MYO7A: variants seen among roughly 807,000 people sequenced by gnomAD.
MYO7A encodes the protein unconventional myosin-VIIa.
In MYO7A, 210 loss-of-function variants were observed where a neutral mutation model predicts 263.8. That is an observed-to-expected ratio of 0.80 (90% CI 0.71 to 0.89). The LOEUF is 0.89. Among genes scored for constraint, MYO7A ranks in the 40% least tolerant of loss-of-function variants. The pLI is 0.00. For synonymous variants in MYO7A, 1,239 were observed against 1,197.3 expected, an observed-to-expected ratio of 1.03 and a Z score of -0.72; for missense variants, 2,820 against 2,968.3, an observed-to-expected ratio of 0.95 and a Z score of 1.16.
At chr11:77,189,694 A>G (rs1455540615) in intron 28 of MYO7A, among the ~76,000 whole-genome samples, 1 of 152,206 alleles carries the variant, frequency 6.6e-6, no homozygotes, top group Non-Finnish European at 1.5e-5. Flanking sequence ...TGAGTCTGAC[A>G]GGAGCGTGTC....
chr11:77,155,591 G>A (rs530525661), intron 4 of MYO7A, among the ~76,000 whole-genome samples: 82 of 152,356 alleles, frequency 5.4e-4, no homozygotes, highest in African/African-American at 1.9e-3. Flanking sequence ...AATTTTAAAA[G>A]ATACCACCTC....
intron 41 of MYO7A, chr11:77,207,019 C>G (rs1957484830): frequency 2.8e-6 from 1 of 355,946 alleles, no homozygotes; most frequent in Non-Finnish European, 5.1e-6. Flanking sequence ...CTCCCTGGAC[C>G]CCTCACTGTC....
At chr11:77,207,107 C>T (rs1957491076) in intron 41 of MYO7A, 182 bp from the exon 42 acceptor site, 1 of 532,778 alleles carries the variant, frequency 1.9e-6, no homozygotes, top group South Asian at 2.7e-5. Context: ...AGGAGGAGAC[C>T]TGGGAAGACC....
Position 77,163,788 on chromosome 11 carries a change from G to T in MYO7A, c.1690+800G>T, listed in dbSNP as rs191573837. ...TTTTATGGCTGAATAGTATTTCGTT[G>T]TGTGGATAAACCTTTTGTTTATCCA... On this transcript the variant is annotated intron_variant, in intron 14 of 48. Transcript: ENST00000409709. 2.1e-4 allele frequency among the ~76,000 whole-genome samples: 32 copies of T among 151,176 alleles called. No homozygotes were observed. The East Asian group carries it at 5.7e-3, about 27-fold the overall frequency.
intron 2 of MYO7A, among the ~76,000 whole-genome samples, chr11:77,140,850 G>A (rs1555050270): frequency 6.6e-6 from 1 of 152,148 alleles, no homozygotes; most frequent in Non-Finnish European, 1.5e-5. Flanking sequence ...AGGAAGTTTG[G>A]GTTTGGGACT....
intron 2 of MYO7A, among the ~76,000 whole-genome samples, chr11:77,134,781 C>CA (rs1950863886): frequency 8.0e-6 from 1 of 124,568 alleles, no homozygotes; most frequent in Non-Finnish European, 1.7e-5. Context: ...TACCACTTAA[C>CA]TTTTTTTTTT....
Position 77,159,322 on chromosome 11 carries a change from G to T in MYO7A, c.1004-125G>T. The T allele has an allele frequency of 7.7e-6, 6 of 779,464 alleles. No individual in the cohort carries two copies. The South Asian group carries it at 9.7e-5, about 13-fold the overall frequency. The allele number at this position is 779,464 out of a possible 1,614,324, so 48.3% of individuals were successfully genotyped here. A position where few individuals can be genotyped will look rare whatever the true frequency, so the allele number is the denominator to read the frequency against. ...TGGGGAAGCATTTAGTCACAATGCT[G>T]ATGCCCTCCCTGGACAGGGCAGGAC... On this transcript the variant is annotated intron_variant, in intron 9 of 48. Coordinates refer to ENST00000409709, the MANE Select transcript of MYO7A (RefSeq NM_000260.4).
chr11:77,191,896 G>A (rs1956107251), intron 30 of MYO7A, among the ~76,000 whole-genome samples, 155 bp from the exon 31 acceptor site: 1 of 152,228 alleles, frequency 6.6e-6, no homozygotes, highest in South Asian at 2.1e-4. Context: ...TTAGAGCCCA[G>A]GGCTAGAATC....
chr11:77,186,783 T>G (rs958746861), intron 27 of MYO7A, among the ~76,000 whole-genome samples: 2 of 152,232 alleles, frequency 1.3e-5, no homozygotes, highest in Non-Finnish European at 2.9e-5. Flanking sequence ...AGTAGCATTT[T>G]TGATGTCCTT....
chr11:77,195,499 C>G (rs555881945), intron 32 of MYO7A, among the ~76,000 whole-genome samples: 1 of 152,314 alleles, frequency 6.6e-6, no homozygotes, highest in South Asian at 2.1e-4. Flanking sequence ...AGGGCCTCCT[C>G]GGGGCTCACT....
intron 3 of MYO7A, 97 bp downstream of exon 3, chr11:77,142,919 G>C (rs1555051632): frequency 1.9e-6 from 2 of 1,029,618 alleles, no homozygotes. Flanking sequence ...GGAGATGGAG[G>C]CCATGCCCAT....
intron 2 of MYO7A, among the ~76,000 whole-genome samples, chr11:77,141,549 T>C (rs1951211660): frequency 6.6e-6 from 1 of 152,166 alleles, no homozygotes; most frequent in Non-Finnish European, 1.5e-5. Flanking sequence ...TTTATTAGGA[T>C]TAGAATAAAA....
intron 44 of MYO7A, among the ~76,000 whole-genome samples, chr11:77,209,894 C>A (rs182328287): frequency 1.2e-4 from 19 of 152,110 alleles, no homozygotes; most frequent in Admixed American, 1.2e-3. Context: ...CTGGTGGTGC[C>A]ACTAACTGCT....
chr11:77,159,418 C>CCCCCAG, intron 9 of MYO7A, 29 bp from the exon 10 acceptor site: 1 of 1,524,390 alleles, frequency 6.6e-7, no homozygotes. Flanking sequence ...CCCTCCCTCC[C>CCCCCAG]CTGATGCTGT....
intron 4 of MYO7A, 137 bp downstream of exon 4, chr11:77,148,087 T>C: frequency 1.2e-6 from 1 of 825,552 alleles, no homozygotes; most frequent in Non-Finnish European, 1.8e-6. Context: ...GCTGTGCAGC[T>C]GGACCCCGGG....
In MYO7A at chr11:77,171,545, A is replaced by C. The variant is rs150206055; in HGVS notation, c.1798-1203A>C. Among the ~76,000 whole-genome samples, 266 of 152,306 alleles carry C rather than the reference A, an allele frequency of 1.7e-3. 2 individuals are homozygous for C. Among genetic ancestry groups the C allele is most frequent in the African/African-American group, 6.2e-3 (257 of 41,568 alleles). On this transcript the variant is annotated intron_variant, in intron 15 of 48. Coordinates refer to ENST00000409709, the MANE Select transcript of MYO7A (RefSeq NM_000260.4). ...GCTCTTTCTCGGAAGGCCTCATCACAGTCTGGTGGCATAGTACCTAAATTG... is the reference window on the plus strand; with the variant it reads ...GCTCTTTCTCGGAAGGCCTCATCACCGTCTGGTGGCATAGTACCTAAATTG...
At chr11:77,153,390 T>C (rs1178139725) in intron 4 of MYO7A, among the ~76,000 whole-genome samples, 2 of 151,994 alleles carry the variant, frequency 1.3e-5, no homozygotes, top group East Asian at 3.9e-4. Flanking sequence ...CTGGTGGCAT[T>C]GAGTAGGGAC....
intron 17 of MYO7A, among the ~76,000 whole-genome samples, chr11:77,175,138 A>G (rs1395012856): frequency 6.6e-6 from 1 of 152,224 alleles, no homozygotes; most frequent in African/African-American, 2.4e-5. Flanking sequence ...GAACAAGACC[A>G]GGGCTGCCAC....
chr11:77,143,380 A>G (rs1951345860), intron 3 of MYO7A, among the ~76,000 whole-genome samples: 1 of 152,252 alleles, frequency 6.6e-6, no homozygotes, highest in African/African-American at 2.4e-5. Flanking sequence ...CATCACATGA[A>G]TCCACTGTCC....
Sources: allele counts gnomAD v4.1 joint callset (sites outside exome capture counted in the v4.1 genomes callset), GRCh38; gene constraint gnomAD v4.1.1; transcripts MANE v1.5; gene names NCBI Gene and HGNC (gene_info 2026-07-23, HGNC 2026-07-21).